The following PDK3 variants were observed in gnomAD, a reference collection of about 807,000 sequenced individuals.
PDK3 encodes the protein pyruvate dehydrogenase kinase 3, also known as pyruvate dehydrogenase kinase, isozyme 3.
In PDK3, 12 loss-of-function variants were observed where a neutral mutation model predicts 32.0. That is an observed-to-expected ratio of 0.37 (90% confidence interval 0.24 to 0.61). The LOEUF is 0.61. Among genes scored for constraint, PDK3 ranks in the 20% least tolerant of loss-of-function variants. The pLI is 0.65. For missense variants in PDK3, 188 were observed against 316.9 expected (o/e 0.59, Z 3.09); for synonymous variants, 122 against 116.3 (o/e 1.05, Z -0.31).
At chrX:24,493,844 T>G (rs1921633204) in intron 1 of PDK3, among the ~76,000 whole-genome samples, 1 of 112,186 alleles carries the variant, frequency 8.9e-6, no homozygotes, top group African/African-American at 3.2e-5. Context: ...TCTCCAAAGC[T>G]CATGCCTTTT....
intron 1 of PDK3, among the ~76,000 whole-genome samples, chrX:24,484,828 C>CCA: frequency 9.1e-6 from 1 of 110,074 alleles, no homozygotes; most frequent in South Asian, 4.2e-4. Flanking sequence ...ATTTTTCCCT[C>CCA]TCCATCCATC....
At chrX:24,520,385 C>A (rs1440686991) in intron 6 of PDK3, among the ~76,000 whole-genome samples, 2 of 110,982 alleles carry the variant, frequency 1.8e-5, no homozygotes, top group Non-Finnish European at 3.8e-5. Flanking sequence ...AAACGAATAA[C>A]GTATGGGAAA....
At chrX:24,471,476 A>G (rs917848094) in intron 1 of PDK3, among the ~76,000 whole-genome samples, 2 of 112,250 alleles carry the variant, frequency 1.8e-5, no homozygotes, top group Non-Finnish European at 3.8e-5. Flanking sequence ...TCTCTAATTT[A>G]TTGATGTTAA....
intron 1 of PDK3, among the ~76,000 whole-genome samples, chrX:24,468,012 A>G (rs1014737861): frequency 8.9e-6 from 1 of 112,081 alleles, no homozygotes; most frequent in Non-Finnish European, 1.9e-5. Flanking sequence ...CTGCTAGTTT[A>G]TGAACTTGAT....
intron 1 of PDK3, among the ~76,000 whole-genome samples, chrX:24,474,274 C>T (rs1921048730): frequency 8.9e-6 from 1 of 111,761 alleles, no homozygotes; most frequent in South Asian, 3.7e-4. Flanking sequence ...TCAGCTTGCT[C>T]TGCACAGAGC....
chrX:24,467,694 C>G (rs1940076345), intron 1 of PDK3, among the ~76,000 whole-genome samples: 1 of 111,893 alleles, frequency 8.9e-6, no homozygotes, highest in Admixed American at 9.5e-5. Flanking sequence ...TCTATTTTGG[C>G]AATTGATGTG....
In PDK3 at chrX:24,519,945, T is replaced by C. The variant is rs1386838805; in HGVS notation, c.673+935T>C. Among the ~76,000 whole-genome samples the C allele has an allele frequency of 3.6e-5, 4 of 112,214 alleles. No individual in the cohort carries two copies. The South Asian group carries it at 1.1e-3, about 31-fold the overall frequency. Reference sequence around the variant, plus strand: ...CAGTGGTTCACACCTGTAATCCCAATACTTTGGGAGGCCAAAGTGGGTGGA... The same window carrying C: ...CAGTGGTTCACACCTGTAATCCCAACACTTTGGGAGGCCAAAGTGGGTGGA... On this transcript the variant is annotated intron_variant, in intron 6 of 10. Coordinates refer to ENST00000379162, the MANE Select transcript of PDK3 (RefSeq NM_005391.5).
chrX:24,534,337 G>T lies in PDK3; in HGVS notation c.*265G>T. 1 of 580,787 alleles carries T rather than the reference G, an allele frequency of 1.7e-6. No individual in the cohort carries two copies. The highest frequency in any genetic ancestry group is 2.3e-6 in the Non-Finnish European group (1 of 438,343). The allele number at this position is 580,787 out of a possible 1,213,427, so 47.9% of individuals were successfully genotyped here. A position where few individuals can be genotyped will look rare whatever the true frequency, so the allele number is the denominator to read the frequency against. On this transcript the variant is annotated 3_prime_UTR_variant, in exon 11 of 11. Transcript: ENST00000379162. ...ATGGAATATTATTTGGCCTTAAAAA[G>T]GAAGGACATTCTGATATGTGCTGCA...
chrX:24,481,106 C>T (rs933590198), intron 1 of PDK3, among the ~76,000 whole-genome samples: 1 of 107,077 alleles, frequency 9.3e-6, no homozygotes, highest in African/African-American at 3.4e-5. Context: ...TGGAGTGGCG[C>T]GATCTTGGCT....
chrX:24,528,376 T>C (rs746773551), intron 9 of PDK3, among the ~76,000 whole-genome samples, 190 bp downstream of exon 9: 3 of 112,605 alleles, frequency 2.7e-5, no homozygotes, highest in Non-Finnish European at 5.6e-5. Context: ...TTCAATTTCC[T>C]CTCTGATTTG....
intron 3 of PDK3, among the ~76,000 whole-genome samples, chrX:24,499,411 A>ATATTTCTGTTT (rs57304099): frequency 0.51 from 55,614 of 109,372 alleles, 10,868 homozygotes; most frequent in African/African-American, 0.71. Flanking sequence ...TGCTGATGAG[A>ATATTTCTGTTT]TTCATTTTTA....
At chrX:24,537,411 G>A (rs962941692), downstream of PDK3, among the ~76,000 whole-genome samples, 2 of 108,253 alleles carry the variant, frequency 1.8e-5, no homozygotes, top group Non-Finnish European at 3.8e-5. Flanking sequence ...GGGATTACAG[G>A]CATAAGCCAC....
chrX:24,544,931 G>A lies in PDK3; in HGVS notation c.*5767G>A, dbSNP rs186589116. On this transcript the variant is annotated 3_prime_UTR_variant, in exon 12 of 12. Coordinates refer to the PDK3 transcript ENST00000568479. ...AGCAATATTGCCAGCAAGAAAGGAC[G>A]ATTAACTTAATCAATACGGGATTTT... is the stretch of plus-strand genomic sequence containing the variant. 1.4e-4 allele frequency among the ~76,000 whole-genome samples: 16 copies of A among 112,322 alleles called. No homozygotes were observed. The Admixed American group carries it at 1.5e-3, about 11-fold the overall frequency.
intron 5 of PDK3, among the ~76,000 whole-genome samples, chrX:24,511,722 C>T (rs963224264): frequency 9.1e-6 from 1 of 110,341 alleles, no homozygotes; most frequent in Non-Finnish European, 1.9e-5. Flanking sequence ...GTGGCAGGCA[C>T]CTGTAATCCC....
chrX:24,527,809 C>T, intron 8 of PDK3, 134 bp downstream of exon 8: 2 of 480,566 alleles, frequency 4.2e-6, no homozygotes, highest in Middle Eastern at 5.6e-4. Context: ...AGATCCTTGG[C>T]TTAAGTTACC....
intron 1 of PDK3, among the ~76,000 whole-genome samples, chrX:24,474,335 G>C (rs16997694): frequency 0.016 from 1,811 of 110,474 alleles, 38 homozygotes; most frequent in African/African-American, 0.056. Context: ...TCCATATCGA[G>C]GTTATTAAAC....
chrX:24,506,937 A>G (rs1921998915), intron 5 of PDK3, among the ~76,000 whole-genome samples: 1 of 105,202 alleles, frequency 9.5e-6, no homozygotes, highest in African/African-American at 3.5e-5. Context: ...CAGCCTCCTG[A>G]GTAGCTGGGA....
At chrX:24,472,675 CTTTTTTTTTT>C (rs761538432) in intron 1 of PDK3, among the ~76,000 whole-genome samples, 1 of 49,717 alleles carries the variant, frequency 2.0e-5, no homozygotes, top group Non-Finnish European at 3.4e-5. Context: ...TTCTTTCTTT[CTTTTTTTTTT>C]TTTTTTTTTT....
rs7891330 is a variant in PDK3 at position 24,465,288 on chromosome X, T to G, written c.-168T>G. 0.41 allele frequency: 121,341 copies of G among 292,778 alleles called. 18,751 individuals carry two copies. The highest frequency in any genetic ancestry group is 0.68 in the African/African-American group (24,212 of 35,437). 24.1% of individuals were successfully genotyped at this position (292,778 alleles called of 1,213,427 possible). ...AGGGAAGCCGCGGGCGGCCCGCCGC[T>G]GTCCTGGAGCTGCTGCTGCTGCTGC... is the stretch of plus-strand genomic sequence containing the variant. On this transcript the variant is annotated 5_prime_UTR_variant, in exon 1 of 11. Transcript: ENST00000379162.
Sources: allele counts gnomAD v4.1 joint callset (sites outside exome capture counted in the v4.1 genomes callset), GRCh38; gene constraint gnomAD v4.1.1; transcripts MANE v1.5; gene names NCBI Gene and HGNC (gene_info 2026-07-23, HGNC 2026-07-21).